Variants in SLC44A5 observed in about 807,000 individuals in gnomAD.
SLC44A5 encodes the protein choline transporter-like protein 5.
A neutral mutation model predicts 101.8 loss-of-function variants in SLC44A5; 57 were observed. The observed-to-expected ratio is 0.56, with a 90% confidence interval of 0.45 to 0.70. SLC44A5 has a LOEUF of 0.70. SLC44A5 is among the 30% of genes least tolerant of loss of function. The pLI is 0.00. For missense variants in SLC44A5, 737 were observed against 853.1 expected (o/e 0.86, Z 1.70); for synonymous variants, 281 against 290.9 (o/e 0.97, Z 0.35).
At chr1:75,716,182 G>A in the SLC44A5 span, among the ~76,000 whole-genome samples, 1 of 152,152 alleles carries the variant, frequency 6.6e-6, no homozygotes, top group Non-Finnish European at 1.5e-5. Context: ...CAAGGTTGTG[G>A]AGAAAAGGGA....
intron 2 of SLC44A5, among the ~76,000 whole-genome samples, chr1:75,420,277 C>A (rs1023530405): frequency 2.6e-5 from 4 of 152,022 alleles, no homozygotes; most frequent in African/African-American, 9.7e-5. Flanking sequence ...TTAACAGCAG[C>A]CCAAGTGGAC....
intron 4 of SLC44A5, among the ~76,000 whole-genome samples, chr1:75,328,928 C>T (rs892741742): frequency 1.3e-5 from 2 of 152,174 alleles, no homozygotes; most frequent in Non-Finnish European, 2.9e-5. Flanking sequence ...GGTATGCAGA[C>T]AGCCTCCTGT....
chr1:75,570,415 CAGGAATGGTGG>C (rs1342417693), intron 1 of SLC44A5, among the ~76,000 whole-genome samples: 2 of 152,084 alleles, frequency 1.3e-5, no homozygotes, highest in Non-Finnish European at 2.9e-5. Context: ...GGCTAAACCT[CAGGAATGGTGG>C]TAGGTGAAAG....
intron 2 of SLC44A5, among the ~76,000 whole-genome samples, chr1:75,491,671 T>C (rs2101811772): frequency 6.6e-6 from 1 of 152,008 alleles, no homozygotes; most frequent in East Asian, 1.9e-4. Context: ...TAGGTAAGTG[T>C]CACAGAGTTT....
rs141277983 is a variant in SLC44A5 at position 75,391,732 on chromosome 1, T to C, written c.52+4851A>G. ...TATACAAAACTTAACTCGTGATGGA[T>C]TGAATATTTAAATGTAAGACCTCAA... On this transcript the variant is annotated intron_variant, in intron 3 of 23. Transcript: ENST00000370859. Among the ~76,000 whole-genome samples, 755 of 152,254 alleles carry C rather than the reference T, an allele frequency of 5.0e-3. 6 individuals are homozygous for C. The highest frequency in any genetic ancestry group is 0.018 in the African/African-American group (728 of 41,552).
At chr1:75,261,528 T>C (rs1190614790) in intron 6 of SLC44A5, among the ~76,000 whole-genome samples, 3 of 152,156 alleles carry the variant, frequency 2.0e-5, no homozygotes, top group Non-Finnish European at 4.4e-5. Flanking sequence ...CAGCAATTAA[T>C]AGCCTACCAA....
chr1:75,491,731 G>A (rs969743511), intron 2 of SLC44A5, among the ~76,000 whole-genome samples: 6 of 148,024 alleles, frequency 4.1e-5, no homozygotes, highest in East Asian at 2.0e-4. Flanking sequence ...ACGCACGCAC[G>A]CACACACACA....
At chr1:75,243,453 T>A (rs1171278114) in intron 7 of SLC44A5, among the ~76,000 whole-genome samples, 1 of 152,046 alleles carries the variant, frequency 6.6e-6, no homozygotes, top group Non-Finnish European at 1.5e-5. Flanking sequence ...AATTTTCTAG[T>A]CTTATTGTAA....
the SLC44A5 span, among the ~76,000 whole-genome samples, chr1:75,690,974 A>C: frequency 6.7e-6 from 1 of 149,198 alleles, no homozygotes; most frequent in Non-Finnish European, 1.5e-5. Flanking sequence ...ATTTTTTTAA[A>C]AAAAGAAGAA....
At chr1:75,618,746 T>C in the SLC44A5 span, among the ~76,000 whole-genome samples, 1,468 of 152,236 alleles carry the variant, frequency 9.6e-3, 26 homozygotes, top group African/African-American at 0.033. Context: ...GCTAAGTATT[T>C]GTGTATCCAA....
intron 6 of SLC44A5, among the ~76,000 whole-genome samples, chr1:75,258,379 G>A (rs990996865): frequency 2.1e-4 from 17 of 82,878 alleles, no homozygotes; most frequent in Non-Finnish European, 3.4e-4. Flanking sequence ...CATTGCTGTG[G>A]CTTGAGTAGG....
chr1:75,318,370 T>TGAAAGAAAGAAA (rs5775281), intron 4 of SLC44A5, among the ~76,000 whole-genome samples: 14 of 130,664 alleles, frequency 1.1e-4, no homozygotes, highest in South Asian at 2.9e-4. Flanking sequence ...TCCCATCTCT[T>TGAAAGAAAGAAA]GAAAGAAAGA....
At chr1:75,522,323 T>C (rs1008458491) in intron 2 of SLC44A5, 2 of 148,934 alleles carry the variant, frequency 1.3e-5, no homozygotes, top group African/African-American at 5.0e-5. Flanking sequence ...ATATGTATCA[T>C]AATATATTCA....
chr1:75,497,996 A>G (rs1668764281), intron 2 of SLC44A5, among the ~76,000 whole-genome samples: 1 of 152,128 alleles, frequency 6.6e-6, no homozygotes, highest in Admixed American at 6.5e-5. Context: ...GATAAGGAGG[A>G]TGCTAATCAG....
At chr1:75,312,538 G>C (rs1314660884) in intron 4 of SLC44A5, among the ~76,000 whole-genome samples, 1 of 151,970 alleles carries the variant, frequency 6.6e-6, no homozygotes, top group Admixed American at 6.6e-5. Flanking sequence ...AGCGAGTTTG[G>C]TTCTTTCCTG....
chr1:75,245,156 A>G lies in SLC44A5; in HGVS notation c.346-2145T>C, dbSNP rs144727393. 2.4e-4 allele frequency among the ~76,000 whole-genome samples: 37 copies of G among 152,194 alleles called. No homozygotes were observed. In the East Asian group the frequency reaches 6.6e-3, roughly 27 times the overall value. On this transcript the variant is annotated intron_variant, in intron 7 of 23. Coordinates refer to ENST00000370859, the MANE Select transcript of SLC44A5 (RefSeq NM_001130058.2). ...AATAGCAGTTCAATTCCCTCTAGAA[A>G]TTTTGGCAGGGCAAACAACTCATCT...
At chr1:75,564,594 T>TTTTTACA (rs1672687162) in intron 1 of SLC44A5, among the ~76,000 whole-genome samples, 1 of 147,066 alleles carries the variant, frequency 6.8e-6, no homozygotes, top group Admixed American at 6.8e-5. Context: ...TATTTACTTT[T>TTTTTACA]TTTTTAATTT....
the SLC44A5 span, among the ~76,000 whole-genome samples, chr1:75,680,370 C>G: frequency 2.6e-5 from 4 of 152,128 alleles, no homozygotes; most frequent in Non-Finnish European, 5.9e-5. Flanking sequence ...AAGTAAAGCT[C>G]TCCTCAGCAA....
the SLC44A5 span, among the ~76,000 whole-genome samples, chr1:75,709,477 A>T: frequency 6.6e-6 from 1 of 152,216 alleles, no homozygotes; most frequent in Non-Finnish European, 1.5e-5. Flanking sequence ...ATTTTTAACT[A>T]TCTGAAGCTC....
Sources: allele counts gnomAD v4.1 joint callset (sites outside exome capture counted in the v4.1 genomes callset), GRCh38; gene constraint gnomAD v4.1.1; transcripts MANE v1.5; gene names NCBI Gene and HGNC (gene_info 2026-07-23, HGNC 2026-07-21).